The following DACH1 variants were observed in gnomAD, a reference collection of about 807,000 sequenced individuals.
The protein encoded by DACH1 is dachshund homolog 1.
DACH1 carries 12 observed loss-of-function variants against 54.2 expected under a neutral mutation model. That is an observed-to-expected ratio of 0.22 (90% CI 0.14 to 0.36). The LOEUF (loss-of-function observed/expected upper bound fraction) is 0.36, where lower values mean the gene tolerates loss of function less well. DACH1 is among the 10% of genes least tolerant of loss of function. The pLI is 1.00. For missense variants in DACH1, 805 were observed against 929.8 expected (o/e 0.87, Z 1.75); for synonymous variants, 386 against 366.2 (o/e 1.05, Z -0.62).
In DACH1 at chr13:71,578,054, C is replaced by A. The variant is rs187597198; in HGVS notation, c.1127-5042G>T. Among the ~76,000 whole-genome samples the A allele has an allele frequency of 8.5e-5, 13 of 152,084 alleles. No individual in the cohort carries two copies. The East Asian group carries it at 1.4e-3, about 16-fold the overall frequency. On this transcript the variant is annotated intron_variant, in intron 3 of 10. Coordinates refer to ENST00000613252, the MANE Select transcript of DACH1 (RefSeq NM_080759.6). ...TAAAGTGATCTGTAAAATATAAATG[C>A]CTTTTAAATTACTTGCATTAAAATA... is the stretch of plus-strand genomic sequence containing the variant.
In DACH1 at chr13:71,657,546, C is replaced by T. The variant is rs572018011; in HGVS notation, c.964+24249G>A. 3.4e-5 allele frequency among the ~76,000 whole-genome samples: 5 copies of T among 146,988 alleles called. No homozygotes were observed. In the Admixed American group the frequency reaches 3.5e-4, roughly 10 times the overall value. Reference sequence around the variant, plus strand: ...TTTATTCTTTTATTCTTACTCCAGCCTGGGTGACAGATTGAGACCCTGTCT... The same window carrying T: ...TTTATTCTTTTATTCTTACTCCAGCTTGGGTGACAGATTGAGACCCTGTCT... On this transcript the variant is annotated intron_variant, in intron 2 of 10. Coordinates refer to ENST00000613252, the MANE Select transcript of DACH1 (RefSeq NM_080759.6).
chr13:71,500,437 A>C (rs576079821), intron 6 of DACH1, among the ~76,000 whole-genome samples: 1 of 152,224 alleles, frequency 6.6e-6, no homozygotes, highest in Admixed American at 6.5e-5. Context: ...ATAAAACAGA[A>C]CGATTCTCAA....
intron 2 of DACH1, among the ~76,000 whole-genome samples, chr13:71,654,038 C>T (rs1878871863): frequency 6.6e-6 from 1 of 152,072 alleles, no homozygotes; most frequent in Admixed American, 6.6e-5. Flanking sequence ...TAAACACAAG[C>T]ATACACTATT....
intron 1 of DACH1, among the ~76,000 whole-genome samples, chr13:71,690,539 C>A (rs1881425543): frequency 1.3e-5 from 2 of 152,188 alleles, no homozygotes; most frequent in Admixed American, 6.5e-5. Context: ...AAGTGGCCTT[C>A]TTAAAGTTTG....
chr13:71,770,345 C>A (rs908071611), intron 1 of DACH1, among the ~76,000 whole-genome samples: 107 of 151,664 alleles, frequency 7.1e-4, no homozygotes, highest in Middle Eastern at 3.4e-3. Context: ...AGTAAGTTAA[C>A]GGTATTTAAA....
chr13:71,674,927 T>G, intron 2 of DACH1: 2 of 629,606 alleles, frequency 3.2e-6, no homozygotes, highest in South Asian at 3.9e-5. Flanking sequence ...TTCCTAGATA[T>G]ATAAATATAT....
At chr13:71,507,009 G>T (rs1464459868) in intron 6 of DACH1, among the ~76,000 whole-genome samples, 3 of 151,256 alleles carry the variant, frequency 2.0e-5, no homozygotes, top group Non-Finnish European at 2.9e-5. Context: ...AGGACTTCAT[G>T]TCTAAAACAC....
chr13:71,604,462 T>C (rs992013294), intron 3 of DACH1, among the ~76,000 whole-genome samples: 45 of 151,988 alleles, frequency 3.0e-4, no homozygotes, highest in African/African-American at 1.1e-3. Context: ...TTATAACTCA[T>C]CCAATACCAT....
rs35142229 is a variant in DACH1 at position 71,496,261 on chromosome 13, GTATATATATATATATATATATATA to G, written c.1571-7137_1571-7114del. 3.7e-3 allele frequency among the ~76,000 whole-genome samples: 138 copies of G among 37,152 alleles called. 3 individuals carry two copies. The Middle Eastern group carries it at 0.088, about 24-fold the overall frequency. 24.4% of individuals were successfully genotyped at this position (37,152 alleles called of 152,430 possible). On this transcript the variant is annotated intron_variant, in intron 6 of 10. Transcript: ENST00000613252. ...TCCCAAAAAACAAAAAAATTGCTAT[GTATATATATATATATATATATATA>G]TATATATATATATATATATATACAC...
intron 1 of DACH1, chr13:71,704,572 C>A: frequency 4.2e-6 from 2 of 471,990 alleles, no homozygotes; most frequent in South Asian, 3.4e-5. Context: ...CCAGCCTGCT[C>A]CACCCAGAGA....
intron 6 of DACH1, among the ~76,000 whole-genome samples, chr13:71,499,837 G>A (rs1484109898): frequency 6.6e-6 from 1 of 152,078 alleles, no homozygotes; most frequent in Admixed American, 6.5e-5. Context: ...CATACCGCAT[G>A]AAAAGAAAAT....
Position 71,438,856 on chromosome 13 carries a change from A to AAATC in DACH1, c.*1795_*1798dup, listed in dbSNP as rs1403158138. 5.9e-5 allele frequency: 9 copies of AAATC among 152,480 alleles called. No homozygotes were observed. In the East Asian group the frequency reaches 1.7e-3, roughly 29 times the overall value. The allele number at this position is 152,480 out of a possible 1,614,324, so 9.4% of individuals were successfully genotyped here. ...TATGCTTAGAAAACCAAGTTTCTAC[A>AAATC]AATCATTTACTAGCAATACTTTAAA... On this transcript the variant is annotated 3_prime_UTR_variant, in exon 11 of 11. Coordinates refer to ENST00000613252, the MANE Select transcript of DACH1 (RefSeq NM_080759.6).
At chr13:71,839,230 A>C (rs1054339921) in intron 1 of DACH1, among the ~76,000 whole-genome samples, 2 of 152,210 alleles carry the variant, frequency 1.3e-5, no homozygotes, top group African/African-American at 4.8e-5. Context: ...AGAGAGAAAA[A>C]ATCAGTGCTT....
chr13:71,832,946 T>C (rs1421245485), intron 1 of DACH1, among the ~76,000 whole-genome samples: 2 of 151,958 alleles, frequency 1.3e-5, no homozygotes, highest in African/African-American at 4.8e-5. Flanking sequence ...GACAATTAAG[T>C]AAAACAATCT....
intron 1 of DACH1, among the ~76,000 whole-genome samples, chr13:71,820,844 C>T (rs186044578): frequency 4.1e-4 from 63 of 152,218 alleles, no homozygotes; most frequent in African/African-American, 1.5e-3. Context: ...ACTGGAACAA[C>T]CAAAACAGAG....
intron 10 of DACH1, among the ~76,000 whole-genome samples, chr13:71,468,956 C>G (rs1876833699): frequency 6.6e-6 from 1 of 152,120 alleles, no homozygotes; most frequent in African/African-American, 2.4e-5. Context: ...TGGCAGTACA[C>G]TGTTTTGGAC....
intron 2 of DACH1, among the ~76,000 whole-genome samples, chr13:71,633,569 A>T (rs557729459): frequency 1.3e-5 from 2 of 151,698 alleles, no homozygotes; most frequent in Non-Finnish European, 2.9e-5. Context: ...TACATTTCTA[A>T]TACAAAGTCC....
intron 6 of DACH1, among the ~76,000 whole-genome samples, chr13:71,538,605 A>G (rs1277636131): frequency 6.6e-6 from 1 of 152,114 alleles, no homozygotes; most frequent in Non-Finnish European, 1.5e-5. Context: ...AATCAACAGT[A>G]TAAAATATTT....
At chr13:71,841,345 C>T (rs1872830023) in intron 1 of DACH1, among the ~76,000 whole-genome samples, 1 of 151,812 alleles carries the variant, frequency 6.6e-6, no homozygotes, top group African/African-American at 2.4e-5. Context: ...ATAATAATTG[C>T]ACACAGGGAA....
Sources: allele counts gnomAD v4.1 joint callset (sites outside exome capture counted in the v4.1 genomes callset), GRCh38; gene constraint gnomAD v4.1.1; transcripts MANE v1.5; gene names NCBI Gene and HGNC (gene_info 2026-07-23, HGNC 2026-07-21).